The following AHI1 variants were observed in gnomAD, a reference collection of about 807,000 sequenced individuals.
AHI1 encodes the protein Abelson helper integration site 1.
In AHI1, 123 loss-of-function variants were observed where a neutral mutation model predicts 149.3. That is an observed-to-expected ratio of 0.82 (90% CI 0.71 to 0.96). The LOEUF (loss-of-function observed/expected upper bound fraction) is 0.96, where lower values mean the gene tolerates loss of function less well. AHI1 is among the 40% of genes least tolerant of loss of function. The pLI, the probability that AHI1 is intolerant of heterozygous loss-of-function variation, is 0.00. For synonymous variants in AHI1, 475 were observed against 459.8 expected (o/e 1.03, Z -0.42); for missense variants, 1,439 against 1,422.7 (o/e 1.01, Z -0.18).
intron 24 of AHI1, among the ~76,000 whole-genome samples, chr6:135,339,506 T>C (rs1789965165): frequency 6.6e-6 from 1 of 152,118 alleles, no homozygotes; most frequent in Admixed American, 6.5e-5. Context: ...AGAGATATAA[T>C]TTTAAAAAAC....
Position 135,358,139 on chromosome 6 carries a change from G to C in AHI1, c.3158C>G (p.Ala1053Gly). The C allele has an allele frequency of 6.2e-7, 1 of 1,612,410 alleles. No homozygotes were observed. The highest frequency in any genetic ancestry group is 1.7e-5 in the Admixed American group (1 of 59,860). The change falls in exon 24 of 29, where the codon GCA becomes GGA. Residue 1053 changes from alanine to glycine, a missense_variant. Ala to Gly is a moderately conservative substitution (Grantham distance 60). Coordinates refer to ENST00000265602, the MANE Select transcript of AHI1 (RefSeq NM_001134831.2). ...RKPCNHQVDT[A>G]PTVVALYDYT... is the part of the protein sequence containing the mutation. ...AGCAACAGACTGTCTTACCGTTGGT[G>C]CTGTATCTACCTGATGGTTACAAGG...
At chr6:135,429,248 C>T (rs1418077363) in intron 18 of AHI1, among the ~76,000 whole-genome samples, 1 of 151,566 alleles carries the variant, frequency 6.6e-6, no homozygotes, top group Non-Finnish European at 1.5e-5. Context: ...AAATATGGTA[C>T]ATAGCCTTCC....
At chr6:135,457,999 T>A (rs569856988) in intron 8 of AHI1, among the ~76,000 whole-genome samples, 1 of 152,280 alleles carries the variant, frequency 6.6e-6, no homozygotes, top group East Asian at 1.9e-4. Flanking sequence ...AGTAACTTTA[T>A]CCAGGTATTT....
At chr6:135,336,776 A>G (rs977166170) in intron 24 of AHI1, among the ~76,000 whole-genome samples, 3 of 152,188 alleles carry the variant, frequency 2.0e-5, no homozygotes, top group Admixed American at 2.0e-4. Context: ...CATCTGATAC[A>G]TTATAGACAT....
intron 26 of AHI1, chr6:135,300,935 A>G (rs1332885598): frequency 2.0e-6 from 2 of 993,054 alleles, no homozygotes; most frequent in Non-Finnish European, 2.4e-6. Flanking sequence ...CATATTCTTT[A>G]TAGTATACTC....
At chr6:135,492,974 T>G (rs912470356) in intron 3 of AHI1, 2 of 892,144 alleles carry the variant, frequency 2.2e-6, no homozygotes, top group African/African-American at 4.8e-5. Flanking sequence ...AGACTAAAAC[T>G]GAAGAGTGTT....
chr6:135,411,956 A>T (rs981821419), intron 20 of AHI1, among the ~76,000 whole-genome samples: 1 of 152,198 alleles, frequency 6.6e-6, no homozygotes, highest in Non-Finnish European at 1.5e-5. Flanking sequence ...TATATATCAT[A>T]ATGTAAATAC....
intron 22 of AHI1, among the ~76,000 whole-genome samples, chr6:135,401,047 T>C (rs1370192324): frequency 6.6e-6 from 1 of 152,212 alleles, no homozygotes; most frequent in Non-Finnish European, 1.5e-5. Flanking sequence ...TGGTTTACAA[T>C]TGTTTCCCCT....
chr6:135,458,618 C>A (rs892900179), intron 8 of AHI1, among the ~76,000 whole-genome samples: 1 of 152,114 alleles, frequency 6.6e-6, no homozygotes. Flanking sequence ...GGTCACAGTT[C>A]TAGGTTGATA....
In AHI1 at chr6:135,331,137, T is replaced by C. The variant is rs373866382; in HGVS notation, c.3166-7813A>G. ...ATTTCTTGCACCCTGTGGTTTGGCATGTAGGAGAATATCTTCAGCAATATG... is the reference window on the plus strand; with the variant it reads ...ATTTCTTGCACCCTGTGGTTTGGCACGTAGGAGAATATCTTCAGCAATATG... On this transcript the variant is annotated intron_variant, in intron 24 of 28. Coordinates refer to ENST00000265602, the MANE Select transcript of AHI1 (RefSeq NM_001134831.2). Among the ~76,000 whole-genome samples, 263 of 152,274 alleles carry C rather than the reference T, an allele frequency of 1.7e-3. 1 individual carries two copies. The highest frequency in any genetic ancestry group is 6.1e-3 in the African/African-American group (253 of 41,562).
intron 5 of AHI1, among the ~76,000 whole-genome samples, chr6:135,482,270 T>A (rs1353095031): frequency 1.3e-5 from 2 of 152,316 alleles, no homozygotes; most frequent in South Asian, 2.1e-4. Context: ...TTTTTAGTGG[T>A]ATGCTGTTAA....
chr6:135,354,716 AAGT>A (rs1372172836), intron 24 of AHI1, among the ~76,000 whole-genome samples: 2 of 152,168 alleles, frequency 1.3e-5, no homozygotes, highest in African/African-American at 4.8e-5. Context: ...CTAATTCTTA[AAGT>A]GGCATGATGT....
At chr6:135,375,080 T>A (rs567515653) in intron 23 of AHI1, among the ~76,000 whole-genome samples, 1 of 152,318 alleles carries the variant, frequency 6.6e-6, no homozygotes, top group South Asian at 2.1e-4. Context: ...TATTATGGGT[T>A]TACTGGGCTA....
chr6:135,463,529 C>T (rs1412538655), intron 7 of AHI1, among the ~76,000 whole-genome samples: 1 of 151,892 alleles, frequency 6.6e-6, no homozygotes, highest in African/African-American at 2.4e-5. Context: ...CACGATTCAA[C>T]TAAAACTGAG....
intron 24 of AHI1, among the ~76,000 whole-genome samples, chr6:135,341,364 A>G (rs983642641): frequency 6.6e-6 from 1 of 152,022 alleles, no homozygotes; most frequent in African/African-American, 2.4e-5. Context: ...ACAAAGAAGG[A>G]CATTGTATAA....
chr6:135,389,170 G>C (rs1314298218), intron 23 of AHI1, among the ~76,000 whole-genome samples: 1 of 151,758 alleles, frequency 6.6e-6, no homozygotes. Context: ...AATTAGCCAG[G>C]CATGGTGGCG....
intron 23 of AHI1, among the ~76,000 whole-genome samples, chr6:135,390,909 T>C (rs1257511421): frequency 1.3e-5 from 2 of 152,208 alleles, no homozygotes; most frequent in Non-Finnish European, 2.9e-5. Flanking sequence ...TAGAAAAGCA[T>C]GGAAACAGTT....
At chr6:135,383,361 A>G (rs183909984) in intron 23 of AHI1, among the ~76,000 whole-genome samples, 1 of 150,988 alleles carries the variant, frequency 6.6e-6, no homozygotes, top group East Asian at 2.0e-4. Context: ...CCTTCTGAGT[A>G]GGTGGGACCA....
At chr6:135,487,366 A>C (rs1374953382) in intron 5 of AHI1, among the ~76,000 whole-genome samples, 13 of 152,174 alleles carry the variant, frequency 8.5e-5, no homozygotes, top group Non-Finnish European at 1.5e-4. Flanking sequence ...TGCTTTGCTC[A>C]ATCTTTGAAA....
Sources: gnomAD v4.1 joint callset for allele counts (sites outside exome capture counted in the v4.1 genomes callset) on GRCh38, gnomAD v4.1.1 for gene constraint, MANE v1.5 for transcripts, NCBI Gene and HGNC (gene_info 2026-07-23, HGNC 2026-07-21) for gene names.